AP1AR: variants seen among roughly 807,000 people sequenced by gnomAD.
AP1AR encodes adaptor related protein complex 1 associated regulatory protein.
AP1AR carries 29 observed loss-of-function variants against 46.3 expected under a neutral mutation model. The ratio of observed to expected loss-of-function variants is 0.63; its 90% confidence interval spans 0.47 to 0.85. The LOEUF (loss-of-function observed/expected upper bound fraction) is 0.85. Ranked by LOEUF, AP1AR falls within the 40% of genes least tolerant of loss-of-function variation. The pLI, the probability that AP1AR is intolerant of heterozygous loss-of-function variation, is 0.00. For missense variants in AP1AR, 357 were observed against 356.3 expected (o/e 1.00, Z -0.02); for synonymous variants, 122 against 122.9 (o/e 0.99, Z 0.05).
Position 112,271,585 on chromosome 4 carries a change from AGATGT to A in AP1AR, c.*3177_*3181del, listed in dbSNP as rs555865651. 5.8e-4 allele frequency among the ~76,000 whole-genome samples: 89 copies of A among 152,316 alleles called. No individual in the cohort carries two copies. Among genetic ancestry groups the A allele is most frequent in the Non-Finnish European group, 1.1e-3 (75 of 68,024 alleles). On this transcript the variant is annotated 3_prime_UTR_variant, in exon 10 of 10. Transcript: ENST00000274000. ...TTGTCTCCCTACTGGCCAAATCTAT[AGATGT>A]CTGACAGCCAGCCTAGTAGCTGCAA... is the stretch of plus-strand genomic sequence containing the variant.
chr4:112,258,198 C>A (rs1396028606), intron 4 of AP1AR, among the ~76,000 whole-genome samples: 1 of 152,086 alleles, frequency 6.6e-6, no homozygotes, highest in African/African-American at 2.4e-5. Flanking sequence ...ATTATTTAAG[C>A]AGCTTTTAAA....
chr4:112,270,957 G>T lies in AP1AR; in HGVS notation c.*2548G>T, dbSNP rs1025274988. On this transcript the variant is annotated 3_prime_UTR_variant, in exon 10 of 10. Transcript: ENST00000274000. ...GAGTGGATATATAGCACTCCCAATGGAATATAGTGTGCCTTGGGTTTACAA... is the reference window on the plus strand; with the variant it reads ...GAGTGGATATATAGCACTCCCAATGTAATATAGTGTGCCTTGGGTTTACAA... Among the ~76,000 whole-genome samples, 1 of 152,226 alleles carries T rather than the reference G, an allele frequency of 6.6e-6. No homozygotes were observed. Among genetic ancestry groups the T allele is most frequent in the Admixed American group, 6.5e-5 (1 of 15,282 alleles).
intron 1 of AP1AR, among the ~76,000 whole-genome samples, chr4:112,244,915 T>C (rs1318506460): frequency 6.6e-6 from 1 of 152,182 alleles, no homozygotes; most frequent in Non-Finnish European, 1.5e-5. Flanking sequence ...TACTGTTTTT[T>C]AGCTTCCTTA....
chr4:112,232,875 A>C (rs550907184), intron 1 of AP1AR, among the ~76,000 whole-genome samples: 44 of 152,180 alleles, frequency 2.9e-4, no homozygotes, highest in Non-Finnish European at 5.1e-4. Context: ...TCTGAACTTC[A>C]CTTCTCTTGA....
At chr4:112,236,330 T>C (rs1287805073) in intron 1 of AP1AR, among the ~76,000 whole-genome samples, 2 of 151,782 alleles carry the variant, frequency 1.3e-5, no homozygotes, top group Non-Finnish European at 1.5e-5. Flanking sequence ...AAAACCCGCA[T>C]TGGATTGTTT....
intron 1 of AP1AR, among the ~76,000 whole-genome samples, chr4:112,248,536 G>A (rs1725816893): frequency 6.6e-6 from 1 of 152,148 alleles, no homozygotes; most frequent in South Asian, 2.1e-4. Context: ...AAGGAGTATA[G>A]TATAAATGAA....
rs1422522855 is a variant in AP1AR at position 112,268,223 on chromosome 4, C to A, written c.723C>A (p.Asn241Lys). The change falls in exon 10 of 10, where the codon AAC (asparagine) becomes AAA (lysine). Residue 241 changes from asparagine to lysine, a missense_variant. Physicochemically the swap from Asn to Lys is moderately conservative, Grantham distance 94. Coordinates refer to ENST00000274000, the MANE Select transcript of AP1AR (RefSeq NM_018569.6). The part of the protein sequence containing the change: ...DILRAALKYS[N>K]KKTGSNPTSA... ...TACGGGCAGCACTTAAGTATAGCAACAAGAAGACTGGAAGTAATCCTACAT... is the reference window on the plus strand; with the variant it reads ...TACGGGCAGCACTTAAGTATAGCAAAAAGAAGACTGGAAGTAATCCTACAT... 9.3e-6 allele frequency: 15 copies of A among 1,612,564 alleles called. No individual in the cohort carries two copies. The highest frequency in any genetic ancestry group is 1.2e-5 in the Non-Finnish European group (14 of 1,179,102).
At chr4:112,232,401 G>A (rs1725052870) in intron 1 of AP1AR, among the ~76,000 whole-genome samples, 1 of 152,220 alleles carries the variant, frequency 6.6e-6, no homozygotes, top group Non-Finnish European at 1.5e-5. Flanking sequence ...TGTCCCTCCT[G>A]CCAGGGCGCC....
At chr4:112,258,556 A>G (rs1363942259) in intron 4 of AP1AR, among the ~76,000 whole-genome samples, 1 of 152,222 alleles carries the variant, frequency 6.6e-6, no homozygotes, top group African/African-American at 2.4e-5. Flanking sequence ...CCAAAACAAA[A>G]TCCAAGAAGA....
chr4:112,236,869 A>G (rs1470075031), intron 1 of AP1AR, among the ~76,000 whole-genome samples: 1 of 152,246 alleles, frequency 6.6e-6, no homozygotes, highest in Non-Finnish European at 1.5e-5. Context: ...TGAGAAAAAC[A>G]TTAAAAGAAT....
chr4:112,254,855 A>G, intron 3 of AP1AR, 82 bp downstream of exon 3: 1 of 666,956 alleles, frequency 1.5e-6, no homozygotes, highest in Non-Finnish European at 2.3e-6. Context: ...TACGTTTACA[A>G]TTTTTATTAT....
At chr4:112,260,523 G>T (rs1005480098) in intron 4 of AP1AR, among the ~76,000 whole-genome samples, 2 of 152,200 alleles carry the variant, frequency 1.3e-5, no homozygotes, top group African/African-American at 4.8e-5. Flanking sequence ...TTCTTAAAAG[G>T]TAGCTGTAAT....
Position 112,257,766 on chromosome 4 carries a change from G to T in AP1AR, c.160-6G>T, listed in dbSNP as rs1349606731. 1 of 1,557,766 alleles carries T rather than the reference G, an allele frequency of 6.4e-7. No individual in the cohort carries two copies. The highest frequency in any genetic ancestry group is 2.3e-5 in the East Asian group (1 of 43,068). On this transcript the variant is annotated splice_region_variant and splice_polypyrimidine_tract_variant and intron_variant, in intron 3 of 9. Transcript: ENST00000274000. The stretch of plus-strand genomic sequence containing the variant: ...TGTTTTAATTGTTTAATTAATTTTT[G>T]TACAGGGGGAGAGCCCAGGAAGCAG...
chr4:112,243,300 C>T (rs1367952117), intron 1 of AP1AR, among the ~76,000 whole-genome samples: 1 of 152,168 alleles, frequency 6.6e-6, no homozygotes, highest in Non-Finnish European at 1.5e-5. Flanking sequence ...TTCTCTTGTA[C>T]TTTCACTCTT....
intron 1 of AP1AR, among the ~76,000 whole-genome samples, chr4:112,236,190 G>A (rs557894695): frequency 7.9e-5 from 12 of 151,840 alleles, no homozygotes; most frequent in African/African-American, 2.7e-4. Flanking sequence ...TACTGAACCT[G>A]TTTTCTTCCT....
intron 3 of AP1AR, 182 bp downstream of exon 3, chr4:112,254,955 A>G (rs1726118320): frequency 2.7e-6 from 1 of 369,266 alleles, no homozygotes; most frequent in South Asian, 7.5e-5. Flanking sequence ...ATTAGAAAAT[A>G]ATTCCGAATT....
At chr4:112,238,235 T>C (rs1725337339) in intron 1 of AP1AR, among the ~76,000 whole-genome samples, 1 of 152,244 alleles carries the variant, frequency 6.6e-6, no homozygotes, top group African/African-American at 2.4e-5. Context: ...ATTTGTTGAA[T>C]GAACAGCCAG....
At chr4:112,264,971 AAC>A in intron 6 of AP1AR, 36 bp from the exon 7 acceptor site, 1 of 1,524,372 alleles carries the variant, frequency 6.6e-7, no homozygotes, top group Non-Finnish European at 8.9e-7. Flanking sequence ...ATAATTTTAC[AAC>A]AGAGTGATTT....
chr4:112,239,084 C>A (rs1381314569), intron 1 of AP1AR, among the ~76,000 whole-genome samples: 1 of 152,112 alleles, frequency 6.6e-6, no homozygotes, highest in Non-Finnish European at 1.5e-5. Flanking sequence ...ACATCTATAT[C>A]CTCTCTGCCT....
Sources: allele counts gnomAD v4.1 joint callset (sites outside exome capture counted in the v4.1 genomes callset), GRCh38; gene constraint gnomAD v4.1.1; transcripts MANE v1.5; gene names NCBI Gene and HGNC (gene_info 2026-07-23, HGNC 2026-07-21).